GFPT1: variants seen among roughly 807,000 people sequenced by gnomAD.
GFPT1 encodes the protein glutamine--fructose-6-phosphate aminotransferase [isomerizing] 1.
In GFPT1, 40 loss-of-function variants were observed where a neutral mutation model predicts 92.0. The ratio of observed to expected loss-of-function variants is 0.43; its 90% CI spans 0.34 to 0.57. The LOEUF is 0.57. Ranked by LOEUF, GFPT1 falls within the 20% of genes least tolerant of loss-of-function variation. The pLI is 0.02. For synonymous variants in GFPT1, 269 were observed against 280.6 expected (o/e 0.96, Z 0.41); for missense variants, 448 against 869.1 (o/e 0.52, Z 6.09).
At chr2:69,341,566 T>G (rs1442179498) in intron 13 of GFPT1, among the ~76,000 whole-genome samples, 1 of 152,194 alleles carries the variant, frequency 6.6e-6, no homozygotes, top group Non-Finnish European at 1.5e-5. Context: ...AAACTGTCTC[T>G]TTCTAAGGAA....
Position 69,329,392 on chromosome 2 carries a change from C to G in GFPT1, c.1630G>C (p.Glu544Gln). The G allele has an allele frequency of 6.2e-7, 1 of 1,610,732 alleles. No individual in the cohort carries two copies. The highest frequency in any genetic ancestry group is 2.2e-5 in the East Asian group (1 of 44,836). Residue 544 changes from glutamate (E) to glutamine (Q), a missense_variant, in exon 17 of 20, where the codon GAA becomes CAA. By Grantham distance (29) the Glu-to-Gln change is conservative. Coordinates refer to ENST00000357308, the MANE Select transcript of GFPT1 (RefSeq NM_001244710.2). ...LIKEVLSMDD[E>Q]IQKLATELYH... ...AGTTCTGTTGCTAGTTTCTGAATTTCGTCATCCATGCTCAGTACTTCCTTA... is the reference window on the plus strand; with the variant it reads ...AGTTCTGTTGCTAGTTTCTGAATTTGGTCATCCATGCTCAGTACTTCCTTA...
chr2:69,326,210 G>A lies in GFPT1; in HGVS notation c.2079C>T (p.Ala693=), dbSNP rs754236476. The A allele has an allele frequency of 8.7e-6, 14 of 1,600,786 alleles. No homozygotes were observed. In the South Asian group the frequency reaches 1.5e-4, roughly 18 times the overall value. Residue 693 remains alanine (A), a synonymous_variant, in exon 20 of 20, where the codon GCC becomes GCT. Transcript: ENST00000357308. Reference sequence around the variant, plus strand: ...TTCCTCACTCTACAGTCACAGATTTGGCAAGATTCCGTGGGAAATCAACCT... The same window carrying A: ...TTCCTCACTCTACAGTCACAGATTTAGCAAGATTCCGTGGGAAATCAACCT... ...GYDVDFPRNL[A]KSVTVE is the part of the protein sequence containing the mutation.
intron 1 of GFPT1, among the ~76,000 whole-genome samples, chr2:69,378,367 C>T (rs1671930331): frequency 1.3e-5 from 2 of 152,162 alleles, no homozygotes; most frequent in Admixed American, 1.3e-4. Flanking sequence ...CAACTTTCCG[C>T]CACTCTTCAG....
intron 13 of GFPT1, among the ~76,000 whole-genome samples, chr2:69,339,107 T>C (rs1201929243): frequency 2.0e-5 from 3 of 152,166 alleles, no homozygotes; most frequent in African/African-American, 7.2e-5. Context: ...TAAGGAAACA[T>C]ACCCACACAT....
At chr2:69,358,790 T>C (rs1486629976) in intron 5 of GFPT1, among the ~76,000 whole-genome samples, 2 of 152,214 alleles carry the variant, frequency 1.3e-5, no homozygotes, top group South Asian at 2.1e-4. Flanking sequence ...GTGGCTACTA[T>C]ACTGAATAGC....
chr2:69,357,999 C>T (rs1293648172), intron 6 of GFPT1, among the ~76,000 whole-genome samples: 1 of 152,234 alleles, frequency 6.6e-6, no homozygotes, highest in Non-Finnish European at 1.5e-5. Flanking sequence ...AAGGGAATAA[C>T]TAATCCTCCA....
chr2:69,376,905 T>C (rs1228177198), intron 1 of GFPT1, among the ~76,000 whole-genome samples: 1 of 152,202 alleles, frequency 6.6e-6, no homozygotes, highest in African/African-American at 2.4e-5. Flanking sequence ...TTATAGACTC[T>C]ACTTTTTTTT....
intron 3 of GFPT1, among the ~76,000 whole-genome samples, chr2:69,366,838 A>T (rs1364215978): frequency 6.6e-6 from 1 of 152,124 alleles, no homozygotes; most frequent in Non-Finnish European, 1.5e-5. Flanking sequence ...TGCATCTTCT[A>T]TCTTACCCTA....
chr2:69,324,696 G>GA lies in GFPT1; in HGVS notation c.*1492dup, dbSNP rs1021991420. On this transcript the variant is annotated 3_prime_UTR_variant, in exon 20 of 20. Coordinates refer to ENST00000357308, the MANE Select transcript of GFPT1 (RefSeq NM_001244710.2). ...AAACAAGAAAAGAAAGAAAAGAAAG[G>GA]AAAAAACAGCTTACTTAAATAATTG... 2 of 151,764 alleles carry GA rather than the reference G, an allele frequency of 1.3e-5. No homozygotes were observed. Among genetic ancestry groups the GA allele is most frequent in the Non-Finnish European group, 2.9e-5 (2 of 67,908 alleles). The allele number at this position is 151,764 out of a possible 1,614,324, so 9.4% of individuals were successfully genotyped here.
chr2:69,332,453 A>T (rs1340000480), intron 15 of GFPT1, among the ~76,000 whole-genome samples: 2 of 151,592 alleles, frequency 1.3e-5, no homozygotes, highest in East Asian at 1.9e-4. Flanking sequence ...AGCTGGGATT[A>T]CAGGCGCCCG....
At position 69,320,787 on chromosome 2, in the gene GFPT1, C is replaced by CA. The variant is rs879750913; in HGVS notation, c.*5401dup. The stretch of plus-strand genomic sequence containing the variant: ...TGGGCAACAGAGCAAAACTCCATCT[C>CA]AAAAAAAAAAAAAAGAAGCCTCTGG... On this transcript the variant is annotated 3_prime_UTR_variant, in exon 20 of 20. Transcript: ENST00000357308. The CA allele has an allele frequency of 0.017, 2,034 of 123,174 alleles. 29 individuals are homozygous for CA. The highest frequency in any genetic ancestry group is 0.046 in the East Asian group (191 of 4,196). The allele number at this position is 123,174 out of a possible 1,614,324, so 7.6% of individuals were successfully genotyped here.
rs1266384829 is a variant in GFPT1, at chr2:69,324,084, C to T, written c.*2105G>A. 2.6e-5 allele frequency: 4 copies of T among 152,216 alleles called. No individual in the cohort carries two copies. The highest frequency in any genetic ancestry group is 4.8e-5 in the African/African-American group (2 of 41,424). 9.4% of individuals were successfully genotyped at this position (152,216 alleles called of 1,614,324 possible). ...ACTCCCAAAGTGGAGGCTGGTATTA[C>T]AGGCTGAGCCACTGCACCCGGCAGA... On this transcript the variant is annotated 3_prime_UTR_variant, in exon 20 of 20. Transcript: ENST00000357308.
chr2:69,379,737 T>C (rs1671961562), intron 1 of GFPT1, among the ~76,000 whole-genome samples: 1 of 151,844 alleles, frequency 6.6e-6, no homozygotes. Flanking sequence ...TTTTTAATTT[T>C]TGAGATGGAG....
At chr2:69,346,402 C>T (rs947787413) in intron 11 of GFPT1, among the ~76,000 whole-genome samples, 1 of 152,110 alleles carries the variant, frequency 6.6e-6, no homozygotes, top group Admixed American at 6.6e-5. Context: ...CCACGCCCGG[C>T]TAATTTTTTG....
At chr2:69,374,224 T>C (rs1671818123) in intron 1 of GFPT1, 111 bp from the exon 2 acceptor site, 3 of 621,984 alleles carry the variant, frequency 4.8e-6, no homozygotes, top group Admixed American at 2.4e-5. Context: ...TTTCAAACAT[T>C]TCAAACCGTT....
intron 9 of GFPT1, among the ~76,000 whole-genome samples, chr2:69,351,777 A>G (rs1671211653): frequency 6.6e-6 from 1 of 152,232 alleles, no homozygotes; most frequent in African/African-American, 2.4e-5. Flanking sequence ...AAAAAGTAAC[A>G]TTATAGAAAA....
At chr2:69,384,693 C>CAAAAAAAAAAAAAAAAAA (rs71964630) in intron 1 of GFPT1, among the ~76,000 whole-genome samples, 5 of 106,624 alleles carry the variant, frequency 4.7e-5, no homozygotes, top group Non-Finnish European at 5.7e-5. Flanking sequence ...GGCCCCGTCA[C>CAAAAAAAAAAAAAAAAAA]AAAAAAAAAA....
At chr2:69,385,556 G>GT (rs1672111742) in intron 1 of GFPT1, among the ~76,000 whole-genome samples, 1 of 150,578 alleles carries the variant, frequency 6.6e-6, no homozygotes, top group African/African-American at 2.5e-5. Context: ...TTTTTTTTCA[G>GT]TAAGTACTTT....
rs537072970 is a variant in GFPT1, at chr2:69,342,212, G to A, written c.1143C>T (p.Ile381=). The part of the protein sequence containing the change: ...LGGLKDHIKE[I]QRCRRLILIA... ...TAAGAATCAAACGCCGGCATCTCTGGATCTCCTTTATGTGATCCTTCAAAC... is the reference window on the plus strand; with the variant it reads ...TAAGAATCAAACGCCGGCATCTCTGAATCTCCTTTATGTGATCCTTCAAAC... Residue 381 remains isoleucine (I), a synonymous_variant, in exon 13 of 20, where the codon ATC becomes ATT. Transcript: ENST00000357308. 33 of 1,611,000 alleles carry A rather than the reference G, an allele frequency of 2.0e-5. No homozygotes were observed. The highest frequency in any genetic ancestry group is 2.7e-5 in the Non-Finnish European group (32 of 1,177,390).
Sources: gnomAD v4.1 joint callset for allele counts (sites outside exome capture counted in the v4.1 genomes callset) on GRCh38, gnomAD v4.1.1 for gene constraint, MANE v1.5 for transcripts, NCBI Gene and HGNC (gene_info 2026-07-23, HGNC 2026-07-21) for gene names.